Variants in PLXNA4 observed in about 807,000 individuals in gnomAD.
PLXNA4 encodes the protein plexin A4, also known as plexin-A4.
Under a neutral mutation model 191.8 loss-of-function variants are expected in PLXNA4, and 44 were observed. The observed-to-expected ratio is 0.23, with a 90% CI of 0.18 to 0.29. The LOEUF (loss-of-function observed/expected upper bound fraction) is 0.29, where lower values mean the gene tolerates loss of function less well. PLXNA4 is among the 10% of genes least tolerant of loss of function. The pLI is 1.00. For missense variants in PLXNA4, 1,800 were observed against 2,488.8 expected, an observed-to-expected ratio of 0.72 and a Z score of 5.89; for synonymous variants, 1,082 against 1,009.5, an observed-to-expected ratio of 1.07 and a Z score of -1.36.
At chr7:132,520,453 A>G (rs1387529859) in intron 1 of PLXNA4, among the ~76,000 whole-genome samples, 2 of 152,204 alleles carry the variant, frequency 1.3e-5, no homozygotes, top group African/African-American at 4.8e-5. Context: ...GGAGGCCTCC[A>G]AGCATTGAAA....
chr7:132,226,900 G>A (rs151304891), intron 7 of PLXNA4, among the ~76,000 whole-genome samples: 72 of 152,334 alleles, frequency 4.7e-4, no homozygotes, highest in African/African-American at 1.7e-3. Context: ...AGCACAAATG[G>A]GAGGGACAAC....
chr7:132,276,371 T>C (rs1335686679), intron 4 of PLXNA4, among the ~76,000 whole-genome samples: 1 of 152,150 alleles, frequency 6.6e-6, no homozygotes, highest in South Asian at 2.1e-4. Flanking sequence ...AAATAAAGTA[T>C]AGCATATCAT....
intron 4 of PLXNA4, among the ~76,000 whole-genome samples, chr7:132,282,153 A>AT (rs944012796): frequency 3.3e-5 from 5 of 152,074 alleles, no homozygotes; most frequent in African/African-American, 7.3e-5. Context: ...TTTTAAATAA[A>AT]TTTTTTTTAT....
Position 132,128,602 on chromosome 7 carries a change from C to T in PLXNA4, c.*1877G>A, listed in dbSNP as rs1487369584. The stretch of plus-strand genomic sequence containing the variant: ...AATCCTTTTGAGCTTTCCGCCTACA[C>T]CTGGGGCAGACACACACACACACAT... On this transcript the variant is annotated 3_prime_UTR_variant, in exon 32 of 32. Transcript: ENST00000321063. 6.6e-6 allele frequency: 1 copy of T among 152,076 alleles called. No individual in the cohort carries two copies. The highest frequency in any genetic ancestry group is 1.5e-5 in the Non-Finnish European group (1 of 68,032). The allele number at this position is 152,076 out of a possible 1,614,324, so 9.4% of individuals were successfully genotyped here.
chr7:132,373,159 C>T (rs1804513791), intron 3 of PLXNA4, among the ~76,000 whole-genome samples: 1 of 152,114 alleles, frequency 6.6e-6, no homozygotes, highest in Non-Finnish European at 1.5e-5. Flanking sequence ...TGTGGTCAGG[C>T]AGTAGAAGTA....
At chr7:132,292,396 C>T (rs1011604250) in intron 4 of PLXNA4, among the ~76,000 whole-genome samples, 4 of 152,160 alleles carry the variant, frequency 2.6e-5, no homozygotes, top group Admixed American at 1.3e-4. Flanking sequence ...TAAAGAGGAA[C>T]ATTCCTCAGG....
At chr7:132,591,009 TCA>T (rs2116826336) in intron 2 of PLXNA4, among the ~76,000 whole-genome samples, 1 of 152,254 alleles carries the variant, frequency 6.6e-6, no homozygotes, top group African/African-American at 2.4e-5. Flanking sequence ...GTGAAACTTC[TCA>T]GAGTGCTCCT....
chr7:132,371,448 G>T (rs1804435598), intron 3 of PLXNA4, among the ~76,000 whole-genome samples: 1 of 152,132 alleles, frequency 6.6e-6, no homozygotes, highest in African/African-American at 2.4e-5. Flanking sequence ...TCTTGTGAGA[G>T]TTTCCTGCCA....
chr7:132,500,697 G>C (rs1798213676), intron 2 of PLXNA4, among the ~76,000 whole-genome samples: 1 of 152,194 alleles, frequency 6.6e-6, no homozygotes, highest in East Asian at 1.9e-4. Context: ...GGAGACACAG[G>C]ATGATGCTAT....
chr7:132,202,978 C>T (rs1584837436), intron 11 of PLXNA4, 142 bp from the exon 12 acceptor site: 1 of 876,434 alleles, frequency 1.1e-6, no homozygotes, highest in East Asian at 2.7e-5. Context: ...CATTCTGATG[C>T]AAAAAAGAAC....
At chr7:132,500,533 G>C (rs1798205435) in intron 2 of PLXNA4, among the ~76,000 whole-genome samples, 1 of 152,086 alleles carries the variant, frequency 6.6e-6, no homozygotes, top group Non-Finnish European at 1.5e-5. Context: ...GCACATCCTA[G>C]GGCCTGAGAT....
At chr7:132,475,319 A>G (rs1797081181) in intron 3 of PLXNA4, among the ~76,000 whole-genome samples, 1 of 152,186 alleles carries the variant, frequency 6.6e-6, no homozygotes, top group African/African-American at 2.4e-5. Context: ...GCTGCCCCCC[A>G]GCTCCAAGCA....
intron 1 of PLXNA4, among the ~76,000 whole-genome samples, chr7:132,561,305 C>A (rs934778720): frequency 6.8e-6 from 1 of 147,562 alleles, no homozygotes; most frequent in Non-Finnish European, 1.5e-5. Flanking sequence ...TTCTCCTCCT[C>A]TTTCTCCTTC....
At chr7:132,301,701 G>T (rs1235564664) in intron 3 of PLXNA4, among the ~76,000 whole-genome samples, 1 of 152,212 alleles carries the variant, frequency 6.6e-6, no homozygotes, top group Non-Finnish European at 1.5e-5. Context: ...CCCCAGGGGT[G>T]CTGGAGGAGC....
At chr7:132,445,479 T>C (rs1290991778) in intron 3 of PLXNA4, among the ~76,000 whole-genome samples, 2 of 151,650 alleles carry the variant, frequency 1.3e-5, no homozygotes, top group African/African-American at 4.9e-5. Context: ...ACACATCTAG[T>C]TGCCTACTGC....
intron 3 of PLXNA4, among the ~76,000 whole-genome samples, chr7:132,446,119 C>T (rs1409119077): frequency 6.6e-6 from 1 of 152,098 alleles, no homozygotes; most frequent in Non-Finnish European, 1.5e-5. Context: ...GTAGACTGAC[C>T]CCCAACCTCC....
chr7:132,342,148 C>G (rs1156984728), intron 3 of PLXNA4, among the ~76,000 whole-genome samples: 1 of 151,380 alleles, frequency 6.6e-6, no homozygotes, highest in Admixed American at 6.6e-5. Flanking sequence ...ACTATTCTTC[C>G]TTCCCACAAC....
intron 12 of PLXNA4, among the ~76,000 whole-genome samples, chr7:132,201,666 T>C (rs1797438233): frequency 6.6e-6 from 1 of 152,164 alleles, no homozygotes; most frequent in Admixed American, 6.5e-5. Context: ...GTGCCACAGA[T>C]GACATGGTGC....
At chr7:132,607,108 C>G (rs941184894) in intron 2 of PLXNA4, among the ~76,000 whole-genome samples, 5 of 152,180 alleles carry the variant, frequency 3.3e-5, no homozygotes, top group Admixed American at 6.5e-5. Context: ...TGAACAGAAG[C>G]CTTTGAAAAA....
Sources: allele counts gnomAD v4.1 joint callset (sites outside exome capture counted in the v4.1 genomes callset), GRCh38; gene constraint gnomAD v4.1.1; transcripts MANE v1.5; gene names NCBI Gene and HGNC (gene_info 2026-07-23, HGNC 2026-07-21).